The following JCAD variants were observed in gnomAD, a reference collection of about 807,000 sequenced individuals.
The protein encoded by JCAD is junctional cadherin 5 associated.
JCAD carries 40 observed loss-of-function variants against 98.0 expected under a neutral mutation model. The ratio of observed to expected loss-of-function variants is 0.41; its 90% CI spans 0.32 to 0.53. The LOEUF (loss-of-function observed/expected upper bound fraction) is 0.53, where lower values mean the gene tolerates loss of function less well. JCAD is among the 20% of genes least tolerant of loss of function. The probability of loss-of-function intolerance (pLI) is 0.31; values close to 1 mark genes in which losing one functional copy is unlikely to be tolerated. For missense variants in JCAD, 1,705 were observed against 1,738.1 expected (o/e 0.98, Z 0.34); for synonymous variants, 691 against 682.3 (o/e 1.01, Z -0.20).
Position 30,092,200 on chromosome 10 carries a change from T to C in JCAD, n.129-22379A>G, listed in dbSNP as rs528059831. Among the ~76,000 whole-genome samples, 4 of 146,332 alleles carry C rather than the reference T, an allele frequency of 2.7e-5. No individual in the cohort carries two copies. The East Asian group carries it at 8.2e-4, about 30-fold the overall frequency. On this transcript the variant is annotated intron_variant and non_coding_transcript_variant, in intron 1 of 2. Transcript: ENST00000465712. ...TAGGTCTAAAAACAAAGAGTAGATT[T>C]TCTACGACACTAGGGATCCTCTGGA...
In JCAD at chr10:30,047,700, C is replaced by T. The variant is rs554651856; in HGVS notation, c.113G>A (p.Arg38Gln). The change falls in exon 2 of 4, where the codon CGA (arginine) becomes CAA (glutamine). Residue 38 changes from arginine (R) to glutamine (Q), a missense_variant. Physicochemically the swap from Arg to Gln is conservative, Grantham distance 43 (BLOSUM62 1). Transcript: ENST00000375377. Reference sequence around the variant, plus strand: ...CCCGTTCTGCAGGCCCTGGCCTGCTCGTGTCCCAGTCCTCGCTGCCTGGCG... The same window carrying T: ...CCCGTTCTGCAGGCCCTGGCCTGCTTGTGTCCCAGTCCTCGCTGCCTGGCG... ...KGRQAARTGT[R>Q]AGQGLQNGHE... is the part of the protein sequence containing the mutation. 12 of 1,614,216 alleles carry T rather than the reference C, an allele frequency of 7.4e-6. No homozygotes were observed. Among genetic ancestry groups the T allele is most frequent in the East Asian group, 4.5e-5 (2 of 44,876 alleles).
intron 1 of JCAD, among the ~76,000 whole-genome samples, chr10:30,110,823 C>A (rs772547118): frequency 1.3e-4 from 20 of 151,992 alleles, no homozygotes; most frequent in Non-Finnish European, 2.9e-4. Context: ...GATGTATGCA[C>A]CCACTCAGGT....
At position 30,026,662 on chromosome 10, in the gene JCAD, G is replaced by A; in HGVS notation, c.3486C>T (p.Asp1162=). Residue 1162 remains aspartate (D), a synonymous_variant, in exon 3 of 4, where the codon GAC becomes GAT. Transcript: ENST00000375377. ...GAGGAGCCCGCCTGGCACTGTCCCT[G>A]TCCCCTACAAAGAGAGGGCTCTTGG... ...GWTKSPLFVG[D]RDSARRAPQA... 1.2e-6 allele frequency: 2 copies of A among 1,613,246 alleles called. No homozygotes were observed. Among genetic ancestry groups the A allele is most frequent in the Non-Finnish European group, 1.7e-6 (2 of 1,180,028 alleles).
intron 1 of JCAD, among the ~76,000 whole-genome samples, chr10:30,112,108 AC>A (rs1838711992): frequency 6.6e-6 from 1 of 152,230 alleles, no homozygotes; most frequent in African/African-American, 2.4e-5. Context: ...ATATATACAC[AC>A]AATGGACTAT....
chr10:30,078,650 G>T (rs932258142), intron 1 of JCAD, among the ~76,000 whole-genome samples: 6 of 152,076 alleles, frequency 3.9e-5, no homozygotes, highest in African/African-American at 7.2e-5. Flanking sequence ...TGAACGAGTC[G>T]CTCCTTTAAT....
At chr10:30,100,146 C>A (rs915843378) in intron 1 of JCAD, among the ~76,000 whole-genome samples, 1 of 152,144 alleles carries the variant, frequency 6.6e-6, no homozygotes, top group Non-Finnish European at 1.5e-5. Flanking sequence ...TCTGTAAAGG[C>A]GCACCCTTCT....
chr10:30,113,801 C>T (rs1838747013), intron 1 of JCAD, among the ~76,000 whole-genome samples: 1 of 152,164 alleles, frequency 6.6e-6, no homozygotes, highest in Non-Finnish European at 1.5e-5. Flanking sequence ...CACACTGCTC[C>T]TCCTGGCCAT....
intron 2 of JCAD, among the ~76,000 whole-genome samples, chr10:30,039,208 ACATCAATGATCATCCTGGGAG>A (rs1450225406): frequency 6.6e-6 from 1 of 152,210 alleles, no homozygotes; most frequent in African/African-American, 2.4e-5. Flanking sequence ...CTGTCCCTCC[ACATCAATGATCATCCTGGGAG>A]CATCCCAGGT....
intron 1 of JCAD, among the ~76,000 whole-genome samples, chr10:30,076,140 C>T (rs1837976384): frequency 6.6e-6 from 1 of 152,112 alleles, no homozygotes; most frequent in South Asian, 2.1e-4. Flanking sequence ...TCTCCTGCCT[C>T]AGCCTCCCGA....
intron 1 of JCAD, among the ~76,000 whole-genome samples, chr10:30,099,550 GA>G (rs1345206899): frequency 2.0e-5 from 3 of 149,694 alleles, no homozygotes; most frequent in African/African-American, 7.4e-5. Context: ...ATAATAAGAT[GA>G]AAAAAAAATC....
At position 30,056,518 on chromosome 10, in the gene JCAD, C is replaced by CT. The variant is rs565910425; in HGVS notation, c.-60+2963dup. Among the ~76,000 whole-genome samples the CT allele has an allele frequency of 6.6e-3, 967 of 145,922 alleles. 11 individuals carry two copies. The highest frequency in any genetic ancestry group is 0.052 in the South Asian group (238 of 4,604). On this transcript the variant is annotated intron_variant, in intron 1 of 3. Transcript: ENST00000375377. ...TCTTCCTACACAGACAAGTTGCTTGCTTTTTTTTTTTTCTTTCCTTCTTTG... is the reference window on the plus strand; with the variant it reads ...TCTTCCTACACAGACAAGTTGCTTGCTTTTTTTTTTTTTCTTTCCTTCTTTG...
chr10:30,022,587 T>G (rs929474304), intron 3 of JCAD, among the ~76,000 whole-genome samples: 1 of 152,032 alleles, frequency 6.6e-6, no homozygotes, highest in Non-Finnish European at 1.5e-5. Context: ...TCAAGACGAG[T>G]GGTTTTGAAT....
Position 30,014,512 on chromosome 10 carries a change from C to T in JCAD, c.*3371G>A, listed in dbSNP as rs1836494215. On this transcript the variant is annotated 3_prime_UTR_variant, in exon 4 of 4. Coordinates refer to ENST00000375377, the MANE Select transcript of JCAD (RefSeq NM_020848.4). ...TTGTGTATTATTTAATCATTTAAAA[C>T]AAACAATAATAAAAAACTCAGCCAG... 1 of 152,162 alleles carries T rather than the reference C, an allele frequency of 6.6e-6. No individual in the cohort carries two copies. Among genetic ancestry groups the T allele is most frequent in the Non-Finnish European group, 1.5e-5 (1 of 68,026 alleles). 9.4% of individuals were successfully genotyped at this position (152,162 alleles called of 1,614,324 possible).
At chr10:30,084,430 A>G (rs1248271109) in intron 1 of JCAD, among the ~76,000 whole-genome samples, 1 of 152,222 alleles carries the variant, frequency 6.6e-6, no homozygotes, top group East Asian at 1.9e-4. Context: ...TGTTTTTTGA[A>G]TGAGCTGAAC....
intron 1 of JCAD, among the ~76,000 whole-genome samples, chr10:30,083,392 C>T (rs1013633874): frequency 1.5e-4 from 23 of 152,196 alleles, no homozygotes; most frequent in African/African-American, 5.3e-4. Flanking sequence ...TAAATAGTCA[C>T]TCATGTCAGA....
chr10:30,039,148 G>A (rs893634509), intron 2 of JCAD, among the ~76,000 whole-genome samples: 3 of 152,162 alleles, frequency 2.0e-5, no homozygotes, highest in African/African-American at 7.2e-5. Flanking sequence ...CTCCCTAGAG[G>A]GCCAGATGCT....
chr10:30,104,768 C>A (rs1307874110), intron 1 of JCAD, among the ~76,000 whole-genome samples: 1 of 148,410 alleles, frequency 6.7e-6, no homozygotes, highest in Non-Finnish European at 1.5e-5. Flanking sequence ...ATATGCTTGT[C>A]AAAAGTTTTT....
rs1416507030 is a variant in JCAD, at chr10:30,059,582, T to A, written c.-160A>T. 7.6e-6 allele frequency: 1 copy of A among 132,102 alleles called. No individual in the cohort carries two copies. Among genetic ancestry groups the A allele is most frequent in the African/African-American group, 4.1e-5 (1 of 24,514 alleles). The allele number at this position is 132,102 out of a possible 1,614,324, so 8.2% of individuals were successfully genotyped here. A position where few individuals can be genotyped will look rare whatever the true frequency, so the allele number is the denominator to read the frequency against. ...CGCCTGCAGCCGCCGAGGCCGAGCA[T>A]GCCCGGAGAACCGCCGTCCGCCCCG... On this transcript the variant is annotated 5_prime_UTR_variant, in exon 1 of 4. An upstream start codon of the reference 5' UTR is lost. Transcript: ENST00000375377. The surrounding 1 kb of genome is among the most constrained non-coding windows in gnomAD (Gnocchi z 5.0).
At chr10:30,089,607 T>C (rs951279726) in intron 1 of JCAD, among the ~76,000 whole-genome samples, 2 of 151,772 alleles carry the variant, frequency 1.3e-5, no homozygotes, top group East Asian at 3.9e-4. Flanking sequence ...CAAAAGTCCC[T>C]TCTGAAATAC....
Sources: allele counts gnomAD v4.1 joint callset (sites outside exome capture counted in the v4.1 genomes callset), GRCh38; gene constraint gnomAD v4.1.1; non-coding constraint Gnocchi (gnomAD v3.1); transcripts MANE v1.5; gene names NCBI Gene and HGNC (gene_info 2026-07-23, HGNC 2026-07-21).